Variants in PIK3C2G observed in about 807,000 individuals in gnomAD.
PIK3C2G encodes the protein phosphatidylinositol 3-kinase C2 domain-containing subunit gamma.
A neutral mutation model predicts 181.1 loss-of-function variants in PIK3C2G; 168 were observed. The ratio of observed to expected loss-of-function variants is 0.93; its 90% CI spans 0.82 to 1.05. PIK3C2G has a LOEUF of 1.05. Ranked by LOEUF, PIK3C2G falls within the 50% of genes least tolerant of loss-of-function variation. The pLI is 0.00. For synonymous variants in PIK3C2G, 573 were observed against 592.2 expected (o/e 0.97, Z 0.47); for missense variants, 1,869 against 1,732.8 (o/e 1.08, Z -1.40).
intron 1 of PIK3C2G, among the ~76,000 whole-genome samples, chr12:18,270,158 C>T (rs781426889): frequency 3.3e-5 from 5 of 152,116 alleles, no homozygotes; most frequent in Non-Finnish European, 7.4e-5. Flanking sequence ...GATCCACCCA[C>T]CTCAGCCTCC....
intron 31 of PIK3C2G, among the ~76,000 whole-genome samples, chr12:18,622,827 T>C (rs1389728617): frequency 6.6e-6 from 1 of 151,914 alleles, no homozygotes; most frequent in East Asian, 1.9e-4. Context: ...TTTTCATGTA[T>C]CTGTTAGCCA....
intron 29 of PIK3C2G, among the ~76,000 whole-genome samples, chr12:18,574,336 C>T: frequency 6.6e-6 from 1 of 152,096 alleles, no homozygotes; most frequent in East Asian, 1.9e-4. Context: ...TTAATGTCAC[C>T]CATGAGAACC....
chr12:18,428,319 A>T (rs1945954867), intron 18 of PIK3C2G, among the ~76,000 whole-genome samples: 1 of 150,106 alleles, frequency 6.7e-6, no homozygotes. Flanking sequence ...ATCTTTCCTT[A>T]AAAAAAAGTC....
intron 29 of PIK3C2G, among the ~76,000 whole-genome samples, chr12:18,569,352 G>A (rs2136366016): frequency 6.7e-6 from 1 of 148,270 alleles, no homozygotes; most frequent in Non-Finnish European, 1.5e-5. Context: ...TTTCATCAGA[G>A]ATCCCAAGCA....
intron 5 of PIK3C2G, among the ~76,000 whole-genome samples, chr12:18,313,524 GACAAGGTCTCC>G (rs1157745444): frequency 1.3e-5 from 2 of 151,818 alleles, no homozygotes; most frequent in East Asian, 3.9e-4. Flanking sequence ...GCTTTCTTGA[GACAAGGTCTCC>G]ACACAGACAT....
chr12:18,341,520 T>C (rs896777370), intron 9 of PIK3C2G, among the ~76,000 whole-genome samples: 8 of 152,290 alleles, frequency 5.3e-5, no homozygotes, highest in African/African-American at 4.8e-5. Flanking sequence ...TATATGTCAA[T>C]AGACAAAATA....
chr12:18,643,537 G>A (rs991403618), intron 32 of PIK3C2G, among the ~76,000 whole-genome samples: 7 of 151,710 alleles, frequency 4.6e-5, no homozygotes, highest in Admixed American at 1.3e-4. Flanking sequence ...AGGCAACAAC[G>A]GTTAATTTAA....
the PIK3C2G span, chr12:18,692,882 AAAG>A: frequency 1.9e-6 from 3 of 1,602,660 alleles, no homozygotes; most frequent in Non-Finnish European, 1.7e-6. Flanking sequence ...CAGTGGGGAA[AAAG>A]AAGAAGAAAA....
intron 16 of PIK3C2G, among the ~76,000 whole-genome samples, chr12:18,409,829 A>G (rs2135617791): frequency 1.3e-5 from 2 of 152,276 alleles, no homozygotes; most frequent in South Asian, 2.1e-4. Flanking sequence ...TAGGCTATAC[A>G]GGAAGCATGG....
intron 5 of PIK3C2G, among the ~76,000 whole-genome samples, chr12:18,296,821 A>G (rs1235029744): frequency 3.3e-5 from 5 of 152,128 alleles, no homozygotes; most frequent in African/African-American, 4.8e-5. Context: ...AAATTAAAGA[A>G]TCAGAACATG....
chr12:18,650,716 A>C (rs1565602674), downstream of PIK3C2G, among the ~76,000 whole-genome samples: 64 of 4,720 alleles, frequency 0.014, no homozygotes, highest in African/African-American at 0.024. Context: ...ATATATCTAT[A>C]TATATATATA....
At chr12:18,594,419 C>T in intron 29 of PIK3C2G, 75 bp from the exon 30 acceptor site, 2 of 802,324 alleles carry the variant, frequency 2.5e-6, no homozygotes, top group Non-Finnish European at 3.9e-6. Flanking sequence ...ATATATATGG[C>T]AATTTTATGT....
At chr12:18,535,242 C>G (rs182518304) in intron 24 of PIK3C2G, among the ~76,000 whole-genome samples, 165 of 151,884 alleles carry the variant, frequency 1.1e-3, no homozygotes, top group African/African-American at 3.8e-3. Context: ...CATTTATAGA[C>G]AAGTTTAGGG....
chr12:18,674,595 G>C, the PIK3C2G span, among the ~76,000 whole-genome samples: 1 of 152,158 alleles, frequency 6.6e-6, no homozygotes, highest in Non-Finnish European at 1.5e-5. Context: ...ATTCTTGAGA[G>C]AGTAAACCTA....
chr12:18,356,027 G>A (rs548698712), intron 11 of PIK3C2G, among the ~76,000 whole-genome samples: 1 of 152,280 alleles, frequency 6.6e-6, no homozygotes, highest in Non-Finnish European at 1.5e-5. Context: ...GCAATACTGA[G>A]GAGTGGCCTT....
At chr12:18,485,150 T>C (rs1207133727) in intron 18 of PIK3C2G, among the ~76,000 whole-genome samples, 1 of 152,112 alleles carries the variant, frequency 6.6e-6, no homozygotes, top group Non-Finnish European at 1.5e-5. Context: ...AAAACTAAAA[T>C]TACGGCCTGG....
At chr12:18,718,419 G>C in the PIK3C2G span, among the ~76,000 whole-genome samples, 3 of 151,978 alleles carry the variant, frequency 2.0e-5, no homozygotes, top group African/African-American at 7.2e-5. Context: ...GTGCAGCTGG[G>C]ATAAAATCTA....
chr12:18,647,080 ATTT>A (rs34732760), intron 32 of PIK3C2G, among the ~76,000 whole-genome samples: 2 of 151,064 alleles, frequency 1.3e-5, no homozygotes, highest in Non-Finnish European at 3.0e-5. Context: ...CCTTTTTGGT[ATTT>A]TTTTTTGTTT....
chr12:18,670,583 A>T, the PIK3C2G span, among the ~76,000 whole-genome samples: 2 of 152,180 alleles, frequency 1.3e-5, no homozygotes, highest in Non-Finnish European at 2.9e-5. Flanking sequence ...TCCTTTCTGC[A>T]GGGTTAACTT....
Sources: gnomAD v4.1 joint callset for allele counts (sites outside exome capture counted in the v4.1 genomes callset) on GRCh38, gnomAD v4.1.1 for gene constraint, MANE v1.5 for transcripts, NCBI Gene and HGNC (gene_info 2026-07-23, HGNC 2026-07-21) for gene names.